Variants in TG observed in about 807,000 individuals in gnomAD.
TG encodes the protein thyroglobulin, also known as thyroid hormones.
TG carries 270 observed loss-of-function variants against 324.7 expected under a neutral mutation model. The observed-to-expected ratio is 0.83, with a 90% confidence interval of 0.75 to 0.92. The LOEUF is 0.92. Ranked by LOEUF, TG falls within the 40% of genes least tolerant of loss-of-function variation. TG has a pLI of 0.00. For missense variants in TG, 3,591 were observed against 3,456.4 expected (o/e 1.04, Z -0.98); for synonymous variants, 1,401 against 1,327.0 (o/e 1.06, Z -1.21).
chr8:133,100,133 G>C (rs901242322), intron 43 of TG, among the ~76,000 whole-genome samples: 10 of 152,182 alleles, frequency 6.6e-5, no homozygotes, highest in African/African-American at 2.4e-4. Flanking sequence ...TATCCCTTTA[G>C]AGTTTCTCAA....
rs775927514 is a variant in TG at position 132,881,915 on chromosome 8, G to T, written c.691G>T (p.Val231Leu). 18 of 1,614,060 alleles carry T rather than the reference G, an allele frequency of 1.1e-5. No homozygotes were observed. In the African/African-American group the frequency reaches 2.0e-4, roughly 18 times the overall value. The change falls in exon 6 of 48, where the codon GTA (valine) becomes TTA (leucine). Residue 231 changes from valine (V) to leucine (L), a missense_variant. Transcript: ENST00000220616. Reference protein sequence around the residue: ...FSSFQRRFPEVSGYCHCADSQ... With the variant: ...FSSFQRRFPELSGYCHCADSQ... ...TTCCTTCCAGAGGAGGTTCCCTGAG[G>T]TATCTGGGTATTGCCACTGTGCTGA... is the stretch of plus-strand genomic sequence containing the variant.
intron 20 of TG, 95 bp from the exon 21 acceptor site, chr8:132,919,281 C>T: frequency 7.6e-7 from 1 of 1,324,008 alleles, no homozygotes. Context: ...AGCTCTTGAA[C>T]TGGTTTGAGG....
chr8:132,871,056 A>G (rs1839438487), intron 3 of TG, among the ~76,000 whole-genome samples: 1 of 152,168 alleles, frequency 6.6e-6, no homozygotes, highest in African/African-American at 2.4e-5. Flanking sequence ...AACTGGACTC[A>G]GAAAAGCTCT....
intron 41 of TG, among the ~76,000 whole-genome samples, chr8:133,092,152 A>C (rs867248028): frequency 9.9e-5 from 15 of 152,272 alleles, no homozygotes; most frequent in Middle Eastern, 3.4e-3. Context: ...GGATCCTCTG[A>C]GAAGTGGTAC....
intron 41 of TG, among the ~76,000 whole-genome samples, chr8:133,030,839 G>A (rs924147375): frequency 1.2e-4 from 18 of 152,200 alleles, no homozygotes; most frequent in Non-Finnish European, 1.8e-4. Context: ...TAGAGACAAA[G>A]TCCTGGCAAC....
rs201453011 is a variant in TG at position 132,901,521 on chromosome 8, C to A, written c.3602C>A (p.Thr1201Lys). ...VMDSGEEVPG[T>K]RVTGGQPACE... is the part of the protein sequence containing the mutation. ...GACAGCGGAGAAGAGGTGCCTGGGA[C>A]GCGCGTGACCGGGGGCCAGCCCGCC... is the stretch of plus-strand genomic sequence containing the variant. The change falls in exon 16 of 48, where the codon ACG (threonine) becomes AAG (lysine). Residue 1201 changes from threonine to lysine, a missense_variant. Transcript: ENST00000220616. 6.2e-7 allele frequency: 1 copy of A among 1,613,544 alleles called. No homozygotes were observed. The highest frequency in any genetic ancestry group is 1.3e-5 in the African/African-American group (1 of 74,922).
chr8:133,025,982 C>T (rs1435786640), intron 40 of TG, among the ~76,000 whole-genome samples: 1 of 152,134 alleles, frequency 6.6e-6, no homozygotes, highest in African/African-American at 2.4e-5. Flanking sequence ...GGGCGTCTCA[C>T]GTGAGATGAA....
rs554880708 is a variant in TG, at chr8:133,029,906, C to T, written c.7122C>T (p.Gly2374=). The T allele has an allele frequency of 5.3e-5, 85 of 1,614,178 alleles. No individual in the cohort carries two copies. Among genetic ancestry groups the T allele is most frequent in the African/African-American group, 2.5e-4 (19 of 75,060 alleles). Residue 2374 remains glycine, a synonymous_variant, in exon 41 of 48, where the codon GGC becomes GGT. Transcript: ENST00000220616. Reference sequence around the variant, plus strand: ...TGCAGACCCACATCCGAGGATTTGGCGGGGACCCTCGGCGCGTGTCCCTGG... The same window carrying T: ...TGCAGACCCACATCCGAGGATTTGGTGGGGACCCTCGGCGCGTGTCCCTGG... ...TWVQTHIRGF[G]GDPRRVSLAA...
intron 10 of TG, among the ~76,000 whole-genome samples, chr8:132,893,160 G>A (rs1222701979): frequency 7.5e-6 from 1 of 133,972 alleles, no homozygotes; most frequent in Non-Finnish European, 1.6e-5. Context: ...TGTATGTGTG[G>A]TGAGTGTGGT....
intron 41 of TG, among the ~76,000 whole-genome samples, chr8:133,053,644 C>A (rs977554395): frequency 6.6e-6 from 1 of 152,136 alleles, no homozygotes; most frequent in Non-Finnish European, 1.5e-5. Flanking sequence ...GGTTTGATAT[C>A]AAATTCAAGA....
chr8:132,966,007 T>C (rs1315692829), intron 29 of TG, among the ~76,000 whole-genome samples: 1 of 152,174 alleles, frequency 6.6e-6, no homozygotes, highest in African/African-American at 2.4e-5. Flanking sequence ...GCTAAAACTT[T>C]CAAGTTTGGG....
At chr8:132,946,300 CT>C (rs1206270078) in intron 26 of TG, among the ~76,000 whole-genome samples, 1 of 152,034 alleles carries the variant, frequency 6.6e-6, no homozygotes, top group Non-Finnish European at 1.5e-5. Context: ...CCACAAAATC[CT>C]TTTTTTCCAT....
intron 41 of TG, among the ~76,000 whole-genome samples, chr8:133,080,306 T>G (rs897511421): frequency 6.6e-6 from 1 of 152,174 alleles, no homozygotes; most frequent in African/African-American, 2.4e-5. Flanking sequence ...GTCTTTCCAC[T>G]CACTCTATGT....
At chr8:132,886,015 A>G (rs1815364482) in intron 8 of TG, among the ~76,000 whole-genome samples, 1 of 152,194 alleles carries the variant, frequency 6.6e-6, no homozygotes, top group Non-Finnish European at 1.5e-5. Context: ...CTAATCCAGT[A>G]TGACATCATC....
At chr8:132,960,554 G>A (rs1033362) in intron 27 of TG, among the ~76,000 whole-genome samples, 21,335 of 152,232 alleles carry the variant, frequency 0.14, 2,017 homozygotes, top group East Asian at 0.43. Context: ...CCAACAAGTG[G>A]CTGCCTATCA....
At chr8:132,884,351 G>A (rs1815092140) in intron 8 of TG, among the ~76,000 whole-genome samples, 1 of 152,172 alleles carries the variant, frequency 6.6e-6, no homozygotes, top group South Asian at 2.1e-4. Flanking sequence ...AATTTTGAAG[G>A]ATGTTATGAT....
chr8:133,026,528 C>T (rs1836097041), intron 40 of TG, among the ~76,000 whole-genome samples: 1 of 152,234 alleles, frequency 6.6e-6, no homozygotes, highest in African/African-American at 2.4e-5. Context: ...TTGTTCCTCT[C>T]TGTCTGGCAA....
At chr8:133,040,832 G>A (rs1838080639) in intron 41 of TG, among the ~76,000 whole-genome samples, 1 of 152,182 alleles carries the variant, frequency 6.6e-6, no homozygotes, top group Non-Finnish European at 1.5e-5. Context: ...AGGGCAAAGA[G>A]AATGCAGACA....
chr8:133,046,274 C>T (rs1839379016), intron 41 of TG, among the ~76,000 whole-genome samples: 1 of 152,200 alleles, frequency 6.6e-6, no homozygotes, highest in African/African-American at 2.4e-5. Context: ...CATGAAATCT[C>T]TATTAATTCT....
Sources: allele counts gnomAD v4.1 joint callset (sites outside exome capture counted in the v4.1 genomes callset), GRCh38; gene constraint gnomAD v4.1.1; transcripts MANE v1.5; gene names NCBI Gene and HGNC (gene_info 2026-07-23, HGNC 2026-07-21).